The following DPP10 variants were observed in gnomAD, a reference collection of about 807,000 sequenced individuals.
The protein encoded by DPP10 is inactive dipeptidyl peptidase 10.
DPP10 carries 33 observed loss-of-function variants against 120.9 expected under a neutral mutation model. The observed-to-expected ratio is 0.27, with a 90% confidence interval of 0.21 to 0.37. The LOEUF is 0.37. Among genes scored for constraint, DPP10 ranks in the 10% least tolerant of loss-of-function variants. DPP10 has a pLI of 1.00. For missense variants in DPP10, 816 were observed against 942.8 expected, an observed-to-expected ratio of 0.87 and a Z score of 1.76; for synonymous variants, 337 against 326.1, an observed-to-expected ratio of 1.03 and a Z score of -0.36.
chr2:115,520,716 G>T (rs1254207698), intron 4 of DPP10, among the ~76,000 whole-genome samples: 1 of 152,020 alleles, frequency 6.6e-6, no homozygotes, highest in African/African-American at 2.4e-5. Context: ...TCTTTTCTCA[G>T]TCTCAAGTCA....
intron 1 of DPP10, among the ~76,000 whole-genome samples, chr2:114,728,032 CTG>C (rs1049995174): frequency 5.9e-5 from 9 of 152,312 alleles, no homozygotes; most frequent in Admixed American, 1.3e-4. Context: ...GAAGTGGTAA[CTG>C]TGTAAATAAT....
intron 5 of DPP10, among the ~76,000 whole-genome samples, chr2:115,628,976 C>G (rs1411049736): frequency 6.6e-6 from 1 of 152,116 alleles, no homozygotes; most frequent in Non-Finnish European, 1.5e-5. Flanking sequence ...TCCCCCTACC[C>G]CACGACAGGC....
chr2:115,758,770 A>G (rs978806798), intron 11 of DPP10, among the ~76,000 whole-genome samples: 1 of 152,172 alleles, frequency 6.6e-6, no homozygotes, highest in Non-Finnish European at 1.5e-5. Flanking sequence ...ACTAAATTGA[A>G]TGGTTTGCAG....
At chr2:114,553,100 T>A (rs1279129587) in intron 1 of DPP10, among the ~76,000 whole-genome samples, 1 of 152,258 alleles carries the variant, frequency 6.6e-6, no homozygotes, top group Non-Finnish European at 1.5e-5. Flanking sequence ...TTATCTATAA[T>A]CACATCAAGC....
intron 1 of DPP10, among the ~76,000 whole-genome samples, chr2:114,730,098 A>G (rs1676747783): frequency 6.6e-6 from 1 of 152,140 alleles, no homozygotes; most frequent in African/African-American, 2.4e-5. Flanking sequence ...GAATAAATGC[A>G]TAATAAAAAT....
Position 114,599,314 on chromosome 2 carries a change from A to G in DPP10, c.60+156476A>G, listed in dbSNP as rs886454461. Among the ~76,000 whole-genome samples, 12 of 152,018 alleles carry G rather than the reference A, an allele frequency of 7.9e-5. No homozygotes were observed. In the East Asian group the frequency reaches 1.7e-3, roughly 22 times the overall value. ...TTTTGACAAAAGCTTATACACATTT[A>G]ATTCACAACCTTTGAGGCTATATTC... On this transcript the variant is annotated intron_variant, in intron 1 of 25. Transcript: ENST00000410059.
intron 1 of DPP10, among the ~76,000 whole-genome samples, chr2:114,937,924 A>G (rs1292614918): frequency 6.6e-6 from 1 of 152,224 alleles, no homozygotes; most frequent in Non-Finnish European, 1.5e-5. Flanking sequence ...GGAGTTTAGT[A>G]CAAAGTCTCT....
At chr2:115,378,235 G>A (rs1420256551) in intron 3 of DPP10, among the ~76,000 whole-genome samples, 1 of 151,840 alleles carries the variant, frequency 6.6e-6, no homozygotes, top group African/African-American at 2.4e-5. Context: ...TCATCGAGCA[G>A]TGGTTTGTAG....
At chr2:115,509,942 C>T (rs1248963647) in intron 4 of DPP10, among the ~76,000 whole-genome samples, 1 of 152,026 alleles carries the variant, frequency 6.6e-6, no homozygotes, top group Non-Finnish European at 1.5e-5. Flanking sequence ...TATTTGTATT[C>T]CCTTAATTTA....
intron 1 of DPP10, among the ~76,000 whole-genome samples, chr2:114,669,462 C>T (rs1698172066): frequency 6.6e-6 from 1 of 152,090 alleles, no homozygotes. Context: ...GGAAGACTCC[C>T]TTATGTCAAT....
Position 115,768,760 on chromosome 2 carries a change from A to T in DPP10, c.1221+356A>T, listed in dbSNP as rs553547714. The stretch of plus-strand genomic sequence containing the variant: ...ATATATAACCTATTTTGTACAAGTA[A>T]TATTCTCCAGGTGTTATAAAAGTTT... On this transcript the variant is annotated intron_variant, in intron 13 of 25. Coordinates refer to ENST00000410059, the MANE Select transcript of DPP10 (RefSeq NM_020868.6). Among the ~76,000 whole-genome samples the T allele has an allele frequency of 2.0e-5, 3 of 152,218 alleles. No homozygotes were observed. In the East Asian group the frequency reaches 5.8e-4, roughly 29 times the overall value.
chr2:115,612,459 G>A (rs75963323), intron 5 of DPP10, among the ~76,000 whole-genome samples: 1,720 of 152,108 alleles, frequency 0.011, 30 homozygotes, highest in African/African-American at 0.04. Context: ...TTTTGCATGC[G>A]AAATCTACTA....
intron 3 of DPP10, among the ~76,000 whole-genome samples, chr2:115,388,459 T>G (rs2067105083): frequency 6.6e-6 from 1 of 152,146 alleles, no homozygotes; most frequent in African/African-American, 2.4e-5. Context: ...ATGATTATAG[T>G]AAGTCAGGTG....
chr2:115,396,918 G>A (rs2067719618), intron 3 of DPP10, among the ~76,000 whole-genome samples: 1 of 151,960 alleles, frequency 6.6e-6, no homozygotes, highest in African/African-American at 2.4e-5. Context: ...CCTTATTTGA[G>A]GAAAGATGCT....
chr2:115,742,685 A>G (rs1003946809), intron 9 of DPP10, among the ~76,000 whole-genome samples: 2 of 152,068 alleles, frequency 1.3e-5, no homozygotes, highest in Admixed American at 1.3e-4. Flanking sequence ...TCTGGTTTCA[A>G]AAAATGTTTT....
At chr2:115,139,635 A>AG (rs956580835) in intron 1 of DPP10, among the ~76,000 whole-genome samples, 3 of 148,572 alleles carry the variant, frequency 2.0e-5, no homozygotes, top group African/African-American at 7.4e-5. Context: ...TAAGTGGGCC[A>AG]GAGGTGAAAA....
chr2:115,177,313 A>G (rs1409171898), intron 1 of DPP10, among the ~76,000 whole-genome samples: 1 of 152,190 alleles, frequency 6.6e-6, no homozygotes, highest in African/African-American at 2.4e-5. Flanking sequence ...TCATCATTTT[A>G]TGAAAGAGAA....
intron 1 of DPP10, chr2:115,297,201 C>T (rs2060925305): frequency 8.6e-6 from 2 of 232,856 alleles, no homozygotes; most frequent in Non-Finnish European, 1.9e-5. Flanking sequence ...TTGTGACATG[C>T]TGGCTGCATC....
At chr2:115,233,326 G>A (rs1315368769) in intron 1 of DPP10, among the ~76,000 whole-genome samples, 3 of 152,060 alleles carry the variant, frequency 2.0e-5, no homozygotes, top group Non-Finnish European at 4.4e-5. Context: ...AAAGAAAACC[G>A]TCTGATTTCA....
Sources: gnomAD v4.1 joint callset for allele counts (sites outside exome capture counted in the v4.1 genomes callset) on GRCh38, gnomAD v4.1.1 for gene constraint, MANE v1.5 for transcripts, NCBI Gene and HGNC (gene_info 2026-07-23, HGNC 2026-07-21) for gene names.